The following LRP2 variants were observed in gnomAD, a reference collection of about 807,000 sequenced individuals.
LRP2 encodes LDL receptor related protein 2, also known as low-density lipoprotein receptor-related protein 2.
In LRP2, 172 loss-of-function variants were observed where a neutral mutation model predicts 531.0. The ratio of observed to expected loss-of-function variants is 0.32; its 90% CI spans 0.29 to 0.37. The LOEUF (loss-of-function observed/expected upper bound fraction) is 0.37, where lower values mean the gene tolerates loss of function less well. LRP2 is among the 10% of genes least tolerant of loss of function. LRP2 has a pLI of 1.00. For missense variants in LRP2, 5,167 were observed against 5,868.3 expected, an observed-to-expected ratio of 0.88 and a Z score of 3.90; for synonymous variants, 1,992 against 2,027.6, an observed-to-expected ratio of 0.98 and a Z score of 0.47.
Position 169,271,055 on chromosome 2 carries a change from CG to C in LRP2, c.2168del (p.Pro723ArgfsTer42). The C allele has an allele frequency of 6.2e-7, 1 of 1,613,034 alleles. No homozygotes were observed. The highest frequency in any genetic ancestry group is 8.5e-7 in the Non-Finnish European group (1 of 1,179,424). On this transcript the variant is annotated frameshift_variant, in exon 16 of 79. Coordinates refer to ENST00000649046, the MANE Select transcript of LRP2 (RefSeq NM_004525.3). LOFTEE classifies it high-confidence loss of function. Reference sequence around the variant, plus strand: ...CATCTTCCTGGGTAGACAAGGTGAACGGGATCCCACGAATAGCAACTTGGGA... The same window carrying C: ...CATCTTCCTGGGTAGACAAGGTGAACGGATCCCACGAATAGCAACTTGGGA... ...FSSQVAIRGI[P>X]FTLSTQEDVM...
chr2:169,294,830 G>GTGTATCA, intron 4 of LRP2, 120 bp from the exon 5 acceptor site: 1 of 680,574 alleles, frequency 1.5e-6, no homozygotes, highest in Non-Finnish European at 2.6e-6. Flanking sequence ...TGCATATATT[G>GTGTATCA]ATACACAAAA....
intron 16 of LRP2, among the ~76,000 whole-genome samples, chr2:169,270,332 A>G (rs575690634): frequency 4.4e-4 from 67 of 152,306 alleles, no homozygotes; most frequent in African/African-American, 1.6e-3. Flanking sequence ...CACTATTCAC[A>G]ACAGCAAAAA....
At chr2:169,200,832 A>T (rs1688180824) in intron 44 of LRP2, among the ~76,000 whole-genome samples, 1 of 152,158 alleles carries the variant, frequency 6.6e-6, no homozygotes, top group Admixed American at 6.5e-5. Context: ...GGGTTTACGG[A>T]ACAACCACCG....
At chr2:169,139,157 C>T in intron 74 of LRP2, 94 bp downstream of exon 74, 1 of 1,586,108 alleles carries the variant, frequency 6.3e-7, no homozygotes, top group Non-Finnish European at 8.7e-7. Context: ...GCGTATTGTG[C>T]TTTTTTAACT....
chr2:169,269,269 G>C (rs1683330579), intron 16 of LRP2, among the ~76,000 whole-genome samples: 1 of 151,944 alleles, frequency 6.6e-6, no homozygotes, highest in Non-Finnish European at 1.5e-5. Flanking sequence ...AGTTCATATG[G>C]AACCAAAAAA....
At chr2:169,165,094 C>T (rs948471447) in intron 62 of LRP2, among the ~76,000 whole-genome samples, 3 of 152,160 alleles carry the variant, frequency 2.0e-5, no homozygotes, top group Non-Finnish European at 4.4e-5. Flanking sequence ...TGACAGTCTC[C>T]TCTGGGATGG....
At position 169,303,934 on chromosome 2, in the gene LRP2, T is replaced by C. The variant is rs554241608; in HGVS notation, c.427+3347A>G. 3.3e-5 allele frequency among the ~76,000 whole-genome samples: 5 copies of C among 152,294 alleles called. 1 individual carries two copies. The South Asian group carries it at 1.0e-3, about 32-fold the overall frequency. Reference sequence around the variant, plus strand: ...TTTTTTTAAATAAAAAAAAACTTGATTAAAAATTCCTGCCCAGATATAATA... The same window carrying C: ...TTTTTTTAAATAAAAAAAAACTTGACTAAAAATTCCTGCCCAGATATAATA... On this transcript the variant is annotated intron_variant, in intron 4 of 78. Transcript: ENST00000649046.
chr2:169,199,423 A>G (rs1322102055), intron 44 of LRP2, among the ~76,000 whole-genome samples: 6 of 152,300 alleles, frequency 3.9e-5, no homozygotes, highest in African/African-American at 1.4e-4. Context: ...TATTAAAAAC[A>G]ATAACAACAA....
In LRP2 at chr2:169,213,792, G is replaced by A. The variant is rs751699331; in HGVS notation, c.5905C>T (p.His1969Tyr). ...TCAGTATAATAAAGGAAAGAATCAT[G>A]GACTGCAATTCCCCAGGGGTGGGAA... ...QLSHPWGIAV[H>Y]DSFLYYTDEQ... Residue 1969 changes from histidine (H) to tyrosine (Y), a missense_variant, in exon 36 of 79, where the codon CAT (histidine) becomes TAT (tyrosine). Physicochemically the swap from His to Tyr is moderately conservative, Grantham distance 83. This residue lies in a region of LRP2 where 2,811 missense variants were observed against 3,058.0 expected (regional missense o/e 0.92). Transcript: ENST00000649046. 1.2e-5 allele frequency: 19 copies of A among 1,613,546 alleles called. No homozygotes were observed. The Admixed American group carries it at 3.0e-4, about 25-fold the overall frequency.
chr2:169,314,945 G>A (rs759481616), intron 3 of LRP2, among the ~76,000 whole-genome samples: 7 of 152,106 alleles, frequency 4.6e-5, no homozygotes, highest in Non-Finnish European at 1.0e-4. Flanking sequence ...GTCATGGGTT[G>A]TCTCAAACAA....
chr2:169,140,513 A>AT lies in LRP2; in HGVS notation c.13140dup (p.Cys4381MetfsTer12). 6.2e-7 allele frequency: 1 copy of AT among 1,614,006 alleles called. No individual in the cohort carries two copies. The highest frequency in any genetic ancestry group is 8.5e-7 in the Non-Finnish European group (1 of 1,179,916). On this transcript the variant is annotated frameshift_variant, in exon 72 of 79. Coordinates refer to ENST00000649046, the MANE Select transcript of LRP2 (RefSeq NM_004525.3). LOFTEE classifies it high-confidence loss of function. ...CAATTTCCTCCGTGCATGCACCTGC[A>AT]TGGGGGGGGCAGGTTGATAGGCAGT... is the stretch of plus-strand genomic sequence containing the variant.
At chr2:169,132,345 C>T (rs1302276359) in intron 77 of LRP2, among the ~76,000 whole-genome samples, 2 of 152,142 alleles carry the variant, frequency 1.3e-5, no homozygotes, top group Non-Finnish European at 2.9e-5. Context: ...GACATGTCCT[C>T]CTATGTTACA....
chr2:169,132,218 ATC>A (rs1685318663), intron 77 of LRP2, among the ~76,000 whole-genome samples: 1 of 152,240 alleles, frequency 6.6e-6, no homozygotes, highest in African/African-American at 2.4e-5. Context: ...ACACAGACGG[ATC>A]TTTCATCTGT....
intron 77 of LRP2, among the ~76,000 whole-genome samples, chr2:169,132,319 AT>A (rs1685322550): frequency 6.6e-6 from 1 of 152,148 alleles, no homozygotes; most frequent in South Asian, 2.1e-4. Flanking sequence ...CCAGAAGTCT[AT>A]TTGTTCTTCT....
chr2:169,150,777 C>T, intron 68 of LRP2, 121 bp downstream of exon 68: 1 of 1,177,266 alleles, frequency 8.5e-7, no homozygotes, highest in Middle Eastern at 2.7e-4. Flanking sequence ...ATAGACGCTA[C>T]TCCCAAAAAC....
At chr2:169,268,714 G>A (rs144318085) in intron 16 of LRP2, among the ~76,000 whole-genome samples, 1,801 of 152,172 alleles carry the variant, frequency 0.012, 45 homozygotes, top group African/African-American at 0.041. Flanking sequence ...GCCCTCTCTC[G>A]CCACTCCTAC....
rs140302313 is a variant in LRP2, at chr2:169,304,496, C to T, written c.427+2785G>A. The stretch of plus-strand genomic sequence containing the variant: ...ATAATGCTCTGAAATTTATAAAATG[C>T]TACAAAATATAACATATGGTTTATC... On this transcript the variant is annotated intron_variant, in intron 4 of 78. Transcript: ENST00000649046. Among the ~76,000 whole-genome samples, 23 of 152,160 alleles carry T rather than the reference C, an allele frequency of 1.5e-4. No individual in the cohort carries two copies. In the East Asian group the frequency reaches 4.2e-3, roughly 28 times the overall value.
chr2:169,290,261 A>G (rs891302375), intron 8 of LRP2, among the ~76,000 whole-genome samples: 1 of 130,298 alleles, frequency 7.7e-6, no homozygotes, highest in African/African-American at 2.8e-5. Context: ...CAGGAACCAG[A>G]AGCTTTTTTT....
intron 3 of LRP2, among the ~76,000 whole-genome samples, chr2:169,312,076 T>C (rs1202572828): frequency 6.6e-6 from 1 of 152,166 alleles, no homozygotes; most frequent in Non-Finnish European, 1.5e-5. Context: ...TCCATCCCTT[T>C]ATTTTGAGCC....
Sources: gnomAD v4.1 joint callset for allele counts (sites outside exome capture counted in the v4.1 genomes callset) on GRCh38, gnomAD v4.1.1 for gene constraint, gnomAD v4.1.1 regional missense constraint, MANE v1.5 for transcripts, NCBI Gene and HGNC (gene_info 2026-07-23, HGNC 2026-07-21) for gene names.